RUNX1: variants seen among roughly 807,000 people sequenced by gnomAD.
RUNX1 encodes the protein RUNX family transcription factor 1.
In RUNX1, 19 loss-of-function variants were observed where a neutral mutation model predicts 42.8. The ratio of observed to expected loss-of-function variants is 0.44; its 90% CI spans 0.31 to 0.65. RUNX1 has a LOEUF of 0.65. Ranked by LOEUF, RUNX1 falls within the 30% of genes least tolerant of loss-of-function variation. The pLI, the probability that RUNX1 is intolerant of heterozygous loss-of-function variation, is 0.07. For synonymous variants in RUNX1, 271 were observed against 289.4 expected (o/e 0.94, Z 0.64); for missense variants, 528 against 672.0 (o/e 0.79, Z 2.37).
chr21:34,836,493 A>G (rs1302162596), intron 6 of RUNX1, among the ~76,000 whole-genome samples: 3 of 152,230 alleles, frequency 2.0e-5, no homozygotes, highest in Non-Finnish European at 4.4e-5. Context: ...CTGATGATCA[A>G]ACTGAAAAAT....
chr21:34,890,063 C>G (rs1034751165), intron 3 of RUNX1, among the ~76,000 whole-genome samples: 2 of 152,126 alleles, frequency 1.3e-5, no homozygotes, highest in Non-Finnish European at 2.9e-5. Context: ...GGTGCTGTGG[C>G]CGCTGCCGCG....
At chr21:35,042,918 C>T (rs1270969646) in intron 2 of RUNX1, among the ~76,000 whole-genome samples, 1 of 152,156 alleles carries the variant, frequency 6.6e-6, no homozygotes, top group African/African-American at 2.4e-5. Flanking sequence ...AGTGTTTATT[C>T]CTCCACCTTG....
chr21:34,792,067 C>A lies in RUNX1; in HGVS notation c.*68G>T, dbSNP rs886057046. 41 of 1,040,114 alleles carry A rather than the reference C, an allele frequency of 3.9e-5. No homozygotes were observed. The highest frequency in any genetic ancestry group is 5.2e-5 in the Non-Finnish European group (41 of 787,542). 64.4% of individuals were successfully genotyped at this position (1,040,114 alleles called of 1,614,324 possible). The stretch of plus-strand genomic sequence containing the variant: ...GGGATCCCGGCGGGCTTGTCGCGAA[C>A]AGGAGGCCCGCGCGCCCGGAGGCGA... On this transcript the variant is annotated 3_prime_UTR_variant, in exon 9 of 9. Transcript: ENST00000675419. The surrounding 1 kb of genome is among the most constrained non-coding windows in gnomAD (Gnocchi z 6.9).
intron 8 of RUNX1, among the ~76,000 whole-genome samples, chr21:34,794,996 T>C (rs993007616): frequency 1.3e-5 from 2 of 152,146 alleles, no homozygotes; most frequent in African/African-American, 4.8e-5. Flanking sequence ...CCTGGAGAAG[T>C]TCAGGTTCCT....
intron 2 of RUNX1, among the ~76,000 whole-genome samples, chr21:34,910,270 T>C (rs2058261657): frequency 6.6e-6 from 1 of 152,204 alleles, no homozygotes; most frequent in Non-Finnish European, 1.5e-5. Context: ...TTCTCTTGCT[T>C]TCTCCACCTT....
At chr21:34,997,374 G>A (rs2059004324) in intron 2 of RUNX1, among the ~76,000 whole-genome samples, 1 of 152,180 alleles carries the variant, frequency 6.6e-6, no homozygotes. Flanking sequence ...CAGTGAGATA[G>A]GGCAGTGTAA....
chr21:34,998,741 C>T (rs887916386), intron 2 of RUNX1, among the ~76,000 whole-genome samples: 4 of 152,122 alleles, frequency 2.6e-5, no homozygotes, highest in Non-Finnish European at 5.9e-5. Context: ...TGGGGTTTCA[C>T]CGAGTTAGCC....
At chr21:34,840,572 G>A (rs769991165) in intron 6 of RUNX1, among the ~76,000 whole-genome samples, 3 of 151,634 alleles carry the variant, frequency 2.0e-5, no homozygotes, top group African/African-American at 7.3e-5. Flanking sequence ...CTTCTAATGA[G>A]GTTACGACTT....
intron 2 of RUNX1, among the ~76,000 whole-genome samples, chr21:34,935,998 T>A (rs1170409420): frequency 6.6e-6 from 1 of 152,216 alleles, no homozygotes; most frequent in Non-Finnish European, 1.5e-5. Context: ...TGTACTCAGC[T>A]GCAGCCAGTG....
intron 5 of RUNX1, among the ~76,000 whole-genome samples, chr21:34,860,118 T>A (rs2057551394): frequency 6.6e-6 from 1 of 152,256 alleles, no homozygotes; most frequent in African/African-American, 2.4e-5. Flanking sequence ...AAATGCCAGA[T>A]GTTATTAGAG....
intron 2 of RUNX1, among the ~76,000 whole-genome samples, chr21:34,938,535 CCTT>C (rs936873749): frequency 6.1e-4 from 93 of 151,988 alleles, no homozygotes; most frequent in African/African-American, 2.2e-3. Context: ...TCCTTCTCCT[CCTT>C]CTTCTTCCTC....
At position 34,787,983 on chromosome 21, in the gene RUNX1, C is replaced by G. The variant is rs931394827; in HGVS notation, c.*4152G>C. ...CCCAGGAGAGGGGAGGCGGCCCACC[C>G]GACTGTGTACCGTGGACTGTGGACA... is the stretch of plus-strand genomic sequence containing the variant. On this transcript the variant is annotated 3_prime_UTR_variant, in exon 9 of 9. Transcript: ENST00000675419. The G allele has an allele frequency of 1.7e-5, 4 of 233,242 alleles. No individual in the cohort carries two copies. The highest frequency in any genetic ancestry group is 3.4e-5 in the Non-Finnish European group (4 of 118,128). The allele number at this position is 233,242 out of a possible 1,614,324, so 14.4% of individuals were successfully genotyped here. A position where few individuals can be genotyped will look rare whatever the true frequency, so the allele number is the denominator to read the frequency against.
At chr21:34,989,263 C>T (rs2058917872) in intron 2 of RUNX1, among the ~76,000 whole-genome samples, 1 of 152,010 alleles carries the variant, frequency 6.6e-6, no homozygotes, top group Admixed American at 6.5e-5. Context: ...ACTGTCTCTG[C>T]CTCCCAAAGT....
intron 5 of RUNX1, among the ~76,000 whole-genome samples, chr21:34,867,908 A>G (rs891692387): frequency 2.4e-4 from 37 of 152,170 alleles, no homozygotes; most frequent in African/African-American, 8.7e-4. Context: ...GGGGTCACAC[A>G]GGGCAAGTGA....
intron 2 of RUNX1, among the ~76,000 whole-genome samples, chr21:34,978,845 T>C (rs1407650467): frequency 6.6e-6 from 1 of 152,014 alleles, no homozygotes; most frequent in African/African-American, 2.4e-5. Flanking sequence ...TGAAGCATGT[T>C]TTCCTAAGCC....
intron 5 of RUNX1, among the ~76,000 whole-genome samples, chr21:34,870,485 G>A (rs955635634): frequency 3.9e-5 from 6 of 152,222 alleles, no homozygotes; most frequent in African/African-American, 9.7e-5. Context: ...CAACCAGGAG[G>A]GTGGGTGCTA....
rs372923885 is a variant in RUNX1 at position 34,821,217 on chromosome 21, G to A, written c.805+13193C>T. The A allele has an allele frequency of 1.4e-5, 14 of 1,031,208 alleles. No individual in the cohort carries two copies. In the African/African-American group the frequency reaches 1.5e-4, roughly 11 times the overall value. The allele number at this position is 1,031,208 out of a possible 1,614,324, so 63.9% of individuals were successfully genotyped here. A position where few individuals can be genotyped will look rare whatever the true frequency, so the allele number is the denominator to read the frequency against. On this transcript the variant is annotated intron_variant, in intron 7 of 8. Coordinates refer to ENST00000675419, the MANE Select transcript of RUNX1 (RefSeq NM_001754.5). ...GTAGCTGTGTGACTTGGAGAGGACC[G>A]ATGGGTACAACTAACTGGTGATACA...
intron 2 of RUNX1, among the ~76,000 whole-genome samples, chr21:34,911,365 C>A (rs1012464323): frequency 6.6e-6 from 1 of 152,214 alleles, no homozygotes; most frequent in African/African-American, 2.4e-5. Context: ...TCATAGATAG[C>A]AACCCTGGGA....
intron 2 of RUNX1, among the ~76,000 whole-genome samples, chr21:34,953,299 T>C (rs1317116484): frequency 1.3e-5 from 2 of 152,172 alleles, no homozygotes; most frequent in African/African-American, 4.8e-5. Flanking sequence ...CCTGATTTTG[T>C]TGAGGATAAC....
Sources: allele counts gnomAD v4.1 joint callset (sites outside exome capture counted in the v4.1 genomes callset), GRCh38; gene constraint gnomAD v4.1.1; non-coding constraint Gnocchi (gnomAD v3.1); transcripts MANE v1.5; gene names NCBI Gene and HGNC (gene_info 2026-07-23, HGNC 2026-07-21).